The following SPMIP2 variants were observed in gnomAD, a reference collection of about 807,000 sequenced individuals.
SPMIP2 encodes the protein protein SPMIP2.
the SPMIP2 span, among the ~76,000 whole-genome samples, chr4:159,055,992 G>C: frequency 3.3e-5 from 5 of 152,154 alleles, no homozygotes; most frequent in African/African-American, 1.2e-4. Context: ...TGTCAAGAGA[G>C]GAGGAGCCGC....
the SPMIP2 span, among the ~76,000 whole-genome samples, chr4:158,982,128 A>G: frequency 3.3e-5 from 5 of 152,182 alleles, no homozygotes; most frequent in Non-Finnish European, 7.4e-5. Flanking sequence ...GACAAAGAAG[A>G]GCATTACAAA....
At chr4:159,063,292 C>T in the SPMIP2 span, among the ~76,000 whole-genome samples, 1 of 152,188 alleles carries the variant, frequency 6.6e-6, no homozygotes, top group African/African-American at 2.4e-5. Context: ...GGCATGGTGG[C>T]TCACGCCTGT....
At chr4:159,060,894 A>G in the SPMIP2 span, among the ~76,000 whole-genome samples, 1 of 151,632 alleles carries the variant, frequency 6.6e-6, no homozygotes, top group Non-Finnish European at 1.5e-5. Context: ...AGACCAGTCT[A>G]GGCAACATGG....
the SPMIP2 span, among the ~76,000 whole-genome samples, chr4:158,970,788 C>G: frequency 6.6e-6 from 1 of 152,082 alleles, no homozygotes; most frequent in African/African-American, 2.4e-5. Context: ...TCTGAGACAG[C>G]TAGACCCTTG....
chr4:159,052,973 T>C, the SPMIP2 span, among the ~76,000 whole-genome samples: 1 of 143,918 alleles, frequency 6.9e-6, no homozygotes, highest in African/African-American at 2.6e-5. Flanking sequence ...TTTTTTTTTT[T>C]TGAGACGGAG....
At chr4:158,999,564 C>T in the SPMIP2 span, among the ~76,000 whole-genome samples, 4 of 152,286 alleles carry the variant, frequency 2.6e-5, no homozygotes, top group East Asian at 7.7e-4. Context: ...TGGTGTAAAG[C>T]AAGTAAGCTG....
chr4:158,989,896 C>A, the SPMIP2 span, among the ~76,000 whole-genome samples: 2 of 152,110 alleles, frequency 1.3e-5, no homozygotes, highest in South Asian at 4.1e-4. Flanking sequence ...TCTAATTAAA[C>A]TAAAGAGCTT....
the SPMIP2 span, among the ~76,000 whole-genome samples, chr4:158,920,810 C>T: frequency 6.6e-6 from 1 of 152,170 alleles, no homozygotes; most frequent in African/African-American, 2.4e-5. Flanking sequence ...TTGGCCTGTT[C>T]CCTCAGAAGC....
the SPMIP2 span, among the ~76,000 whole-genome samples, chr4:158,945,917 A>G: frequency 0.046 from 6,953 of 152,224 alleles, 538 homozygotes; most frequent in African/African-American, 0.15. Flanking sequence ...GTTTACTTGT[A>G]ATTTGCAGTC....
At chr4:158,996,664 T>C in the SPMIP2 span, among the ~76,000 whole-genome samples, 100 of 152,316 alleles carry the variant, frequency 6.6e-4, no homozygotes, top group African/African-American at 2.2e-3. Flanking sequence ...GGCTTTTCCA[T>C]CTGTGTGCAC....
the SPMIP2 span, among the ~76,000 whole-genome samples, chr4:159,065,173 A>G: frequency 1.3e-5 from 2 of 152,168 alleles, no homozygotes. Flanking sequence ...CTCTATGCAG[A>G]TTTTCTTTTA....
At chr4:159,081,735 T>A in the SPMIP2 span, among the ~76,000 whole-genome samples, 1 of 152,066 alleles carries the variant, frequency 6.6e-6, no homozygotes, top group Non-Finnish European at 1.5e-5. Context: ...GAAAATGTGA[T>A]TTTAAAGCTG....
chr4:159,031,647 C>T, the SPMIP2 span, among the ~76,000 whole-genome samples: 1 of 152,016 alleles, frequency 6.6e-6, no homozygotes, highest in Non-Finnish European at 1.5e-5. Context: ...GGTGCAGTCA[C>T]GGCAATGTGA....
chr4:158,979,198 A>AC, the SPMIP2 span, among the ~76,000 whole-genome samples: 1 of 151,992 alleles, frequency 6.6e-6, no homozygotes, highest in Non-Finnish European at 1.5e-5. Context: ...AGACACCCCT[A>AC]CCCCGCCACC....
At chr4:158,939,714 AC>A in the SPMIP2 span, among the ~76,000 whole-genome samples, 2 of 152,048 alleles carry the variant, frequency 1.3e-5, no homozygotes. Context: ...GTGGTGGCTC[AC>A]ACCTGTAATC....
At chr4:158,906,460 G>A in the SPMIP2 span, 2 of 152,164 alleles carry the variant, frequency 1.3e-5, no homozygotes, top group African/African-American at 4.8e-5. Flanking sequence ...ATAGTGGCAT[G>A]TTCATAATTA....
At chr4:159,034,410 G>A in the SPMIP2 span, among the ~76,000 whole-genome samples, 1 of 152,316 alleles carries the variant, frequency 6.6e-6, no homozygotes, top group Non-Finnish European at 1.5e-5. Context: ...TCGATGAAAA[G>A]TATGTTTTTT....
chr4:159,054,985 C>G, the SPMIP2 span, among the ~76,000 whole-genome samples: 24 of 152,316 alleles, frequency 1.6e-4, no homozygotes, highest in Non-Finnish European at 3.4e-4. Flanking sequence ...GAGGCTTCTG[C>G]AAGGAAGTCT....
the SPMIP2 span, among the ~76,000 whole-genome samples, chr4:158,902,981 C>T: frequency 6.6e-6 from 1 of 152,198 alleles, no homozygotes; most frequent in Non-Finnish European, 1.5e-5. Context: ...GCCCCCTTTC[C>T]AGGGGAGTGA....
Sources: allele counts gnomAD v4.1 joint callset (sites outside exome capture counted in the v4.1 genomes callset), GRCh38; gene constraint gnomAD v4.1.1; transcripts MANE v1.5; gene names NCBI Gene and HGNC (gene_info 2026-07-23, HGNC 2026-07-21).